RNF150: variants seen among roughly 807,000 people sequenced by gnomAD.
The protein encoded by RNF150 is ring finger protein 150.
RNF150 carries 24 observed loss-of-function variants against 39.3 expected under a neutral mutation model. The ratio of observed to expected loss-of-function variants is 0.61; its 90% CI spans 0.44 to 0.86. The LOEUF (loss-of-function observed/expected upper bound fraction) is 0.86, where lower values mean the gene tolerates loss of function less well. Ranked by LOEUF, RNF150 falls within the 40% of genes least tolerant of loss-of-function variation. The pLI, the probability that RNF150 is intolerant of heterozygous loss-of-function variation, is 0.00. For synonymous variants in RNF150, 255 were observed against 227.3 expected, an observed-to-expected ratio of 1.12 and a Z score of -1.10; for missense variants, 502 against 587.8, an observed-to-expected ratio of 0.85 and a Z score of 1.51.
intron 6 of RNF150, among the ~76,000 whole-genome samples, chr4:140,877,872 AG>A (rs1407404270): frequency 1.3e-5 from 2 of 152,172 alleles, no homozygotes; most frequent in Non-Finnish European, 2.9e-5. Context: ...TATGGAGGTA[AG>A]GGGAAATGGA....
chr4:140,884,895 G>GCT (rs1017384507), intron 6 of RNF150, among the ~76,000 whole-genome samples: 3 of 152,124 alleles, frequency 2.0e-5, no homozygotes, highest in African/African-American at 7.2e-5. Context: ...GAGGGGAGGG[G>GCT]CTCTGGTGAA....
chr4:141,131,898 C>T (rs1427584160), intron 1 of RNF150, among the ~76,000 whole-genome samples: 1 of 152,132 alleles, frequency 6.6e-6, no homozygotes, highest in East Asian at 1.9e-4. Flanking sequence ...CTACCCCTCT[C>T]CTGATATAGC....
intron 1 of RNF150, among the ~76,000 whole-genome samples, chr4:141,088,709 T>A (rs1233492817): frequency 8.9e-6 from 1 of 112,012 alleles, no homozygotes; most frequent in Admixed American, 8.9e-5. Flanking sequence ...ACACACACAC[T>A]TGAAAAGAGA....
intron 1 of RNF150, among the ~76,000 whole-genome samples, chr4:141,069,668 C>T (rs560344752): frequency 0.017 from 2,578 of 150,830 alleles, 84 homozygotes; most frequent in African/African-American, 0.059. Context: ...TGGTAGAATT[C>T]GGCTGTGAAT....
chr4:141,167,095 G>T (rs1395712567), intron 1 of RNF150, among the ~76,000 whole-genome samples: 1 of 152,130 alleles, frequency 6.6e-6, no homozygotes, highest in Middle Eastern at 3.2e-3. Flanking sequence ...CTTCAGCAAA[G>T]TCTCAGGATA....
chr4:141,037,996 AC>A (rs1220988210), intron 1 of RNF150, among the ~76,000 whole-genome samples: 4 of 152,204 alleles, frequency 2.6e-5, no homozygotes, highest in Non-Finnish European at 5.9e-5. Flanking sequence ...TAAGTTAGTC[AC>A]AGGTTATAGA....
chr4:141,150,029 G>T (rs1357173694), intron 1 of RNF150, among the ~76,000 whole-genome samples: 2 of 152,186 alleles, frequency 1.3e-5, no homozygotes, highest in African/African-American at 2.4e-5. Flanking sequence ...ACCAAAGAAT[G>T]AAATAGGTGT....
intron 1 of RNF150, among the ~76,000 whole-genome samples, chr4:141,033,565 C>T (rs1736031056): frequency 6.6e-6 from 1 of 152,162 alleles, no homozygotes; most frequent in African/African-American, 2.4e-5. Context: ...AGAAGTTTTT[C>T]AATTGACTTC....
chr4:141,086,813 T>G (rs1738383762), intron 1 of RNF150, among the ~76,000 whole-genome samples: 1 of 151,848 alleles, frequency 6.6e-6, no homozygotes, highest in Non-Finnish European at 1.5e-5. Context: ...GACACTTCCT[T>G]GTTACAATAA....
At chr4:141,199,708 G>A (rs937937409) in intron 1 of RNF150, among the ~76,000 whole-genome samples, 6 of 152,158 alleles carry the variant, frequency 3.9e-5, no homozygotes, top group African/African-American at 1.4e-4. Flanking sequence ...GCACAATGGG[G>A]ATTTTCAGAT....
chr4:141,125,674 T>C (rs1027816), intron 1 of RNF150, among the ~76,000 whole-genome samples: 85,480 of 152,062 alleles, frequency 0.56, 25,688 homozygotes, highest in East Asian at 0.75. Flanking sequence ...ACAAATTAAC[T>C]TCATATCAGA....
chr4:140,984,423 G>A (rs1172201115), intron 1 of RNF150, among the ~76,000 whole-genome samples: 2 of 152,084 alleles, frequency 1.3e-5, no homozygotes, highest in Non-Finnish European at 2.9e-5. Flanking sequence ...CTCTCTATCA[G>A]TATTCTTAGG....
At chr4:141,027,912 GT>G (rs749317137) in intron 1 of RNF150, among the ~76,000 whole-genome samples, 137 of 27,100 alleles carry the variant, frequency 5.1e-3, no homozygotes, top group African/African-American at 0.011. Context: ...CTTGGAATTT[GT>G]TTTTTTTTTT....
At chr4:141,199,575 TAAGTA>T (rs1728256753) in intron 1 of RNF150, among the ~76,000 whole-genome samples, 1 of 152,138 alleles carries the variant, frequency 6.6e-6, no homozygotes, top group South Asian at 2.1e-4. Context: ...TGCATTTTGC[TAAGTA>T]AAGAAGTCAG....
At chr4:140,952,011 A>AT (rs1003718628) in intron 2 of RNF150, among the ~76,000 whole-genome samples, 18 of 150,414 alleles carry the variant, frequency 1.2e-4, no homozygotes, top group East Asian at 1.9e-4. Context: ...AAGGGAAATA[A>AT]TTTTTTTTTT....
chr4:141,045,152 A>C (rs1736523371), intron 1 of RNF150, among the ~76,000 whole-genome samples: 1 of 152,228 alleles, frequency 6.6e-6, no homozygotes, highest in Non-Finnish European at 1.5e-5. Context: ...TCATGTTCTG[A>C]ACCATTAAGC....
Position 140,898,511 on chromosome 4 carries a change from G to C in RNF150, c.1198+12633C>G, listed in dbSNP as rs114580866. On this transcript the variant is annotated intron_variant, in intron 6 of 6. Coordinates refer to ENST00000515673, the MANE Select transcript of RNF150 (RefSeq NM_020724.2). ...GCATGCATGTCGAAGTACTGCTTTA[G>C]GTACAAATGTCTGACACATATGATA... Among the ~76,000 whole-genome samples the C allele has an allele frequency of 9.7e-3, 1,482 of 152,276 alleles. 23 individuals carry two copies. The highest frequency in any genetic ancestry group is 0.033 in the African/African-American group (1,386 of 41,562).
chr4:140,911,915 C>A (rs1443497942), intron 5 of RNF150, among the ~76,000 whole-genome samples: 1 of 129,004 alleles, frequency 7.8e-6, no homozygotes, highest in Non-Finnish European at 1.6e-5. Flanking sequence ...AAGCCTAAAG[C>A]CAGCTATAGA....
chr4:140,956,661 A>T (rs1042412858), intron 2 of RNF150, among the ~76,000 whole-genome samples: 2 of 152,204 alleles, frequency 1.3e-5, no homozygotes, highest in African/African-American at 2.4e-5. Context: ...ACTATACTAC[A>T]AGGCTACAGT....
Sources: allele counts gnomAD v4.1 joint callset (sites outside exome capture counted in the v4.1 genomes callset), GRCh38; gene constraint gnomAD v4.1.1; transcripts MANE v1.5; gene names NCBI Gene and HGNC (gene_info 2026-07-23, HGNC 2026-07-21).